HOOK3: variants seen among roughly 807,000 people sequenced by gnomAD.
HOOK3 encodes hook microtubule tethering protein 3, also known as protein Hook homolog 3.
A neutral mutation model predicts 116.3 loss-of-function variants in HOOK3; 24 were observed. The ratio of observed to expected loss-of-function variants is 0.21; its 90% CI spans 0.15 to 0.29. The LOEUF (loss-of-function observed/expected upper bound fraction) is 0.29, where lower values mean the gene tolerates loss of function less well. HOOK3 is among the 10% of genes least tolerant of loss of function. The pLI is 1.00. For synonymous variants in HOOK3, 275 were observed against 283.0 expected (o/e 0.97, Z 0.28); for missense variants, 632 against 830.2 (o/e 0.76, Z 2.93).
chr8:42,982,088 T>C (rs1196366772), intron 13 of HOOK3, among the ~76,000 whole-genome samples: 2 of 148,768 alleles, frequency 1.3e-5, no homozygotes, highest in African/African-American at 5.0e-5. Context: ...ACCCCATCTC[T>C]TCTAAAAATA....
At chr8:42,906,345 G>A in intron 2 of HOOK3, 87 bp downstream of exon 2, 1 of 932,672 alleles carries the variant, frequency 1.1e-6, no homozygotes, top group Non-Finnish European at 1.7e-6. Context: ...GTACTTACAT[G>A]AAACGTGTGT....
At chr8:42,915,620 C>T (rs902015430) in intron 2 of HOOK3, among the ~76,000 whole-genome samples, 3 of 151,892 alleles carry the variant, frequency 2.0e-5, no homozygotes, top group African/African-American at 4.8e-5. Flanking sequence ...TTAGTAGAGA[C>T]GGGGTTTCAC....
intron 2 of HOOK3, among the ~76,000 whole-genome samples, chr8:42,918,575 C>A (rs1459376369): frequency 1.3e-5 from 2 of 152,000 alleles, no homozygotes; most frequent in African/African-American, 2.4e-5. Context: ...GGCCCTGCCG[C>A]CTTCCGCAGT....
chr8:42,937,500 C>G (rs1189781476), intron 4 of HOOK3, among the ~76,000 whole-genome samples: 1 of 152,184 alleles, frequency 6.6e-6, no homozygotes, highest in Middle Eastern at 3.4e-3. Flanking sequence ...GATTTCAGAT[C>G]TTTCCTGCTT....
chr8:42,942,739 A>T (rs1808151502), intron 4 of HOOK3, among the ~76,000 whole-genome samples: 1 of 152,166 alleles, frequency 6.6e-6, no homozygotes. Flanking sequence ...AGCTGATTGG[A>T]ATCTGAGTTG....
chr8:43,020,134 A>G lies in HOOK3; in HGVS notation c.*1636A>G. 1 of 199,626 alleles carries G rather than the reference A, an allele frequency of 5.0e-6. No homozygotes were observed. The highest frequency in any genetic ancestry group is 1.0e-5 in the Non-Finnish European group (1 of 96,750). 12.4% of individuals were successfully genotyped at this position (199,626 alleles called of 1,614,324 possible). On this transcript the variant is annotated 3_prime_UTR_variant, in exon 22 of 22. Transcript: ENST00000307602. The stretch of plus-strand genomic sequence containing the variant: ...GTTTGTCCTCAGAAGCCGTAGTTGA[A>G]GAAAGATATTAGAGTATACACAGAA...
chr8:43,025,849 A>G lies in HOOK3; in HGVS notation c.*7351A>G, dbSNP rs1325068677. The G allele has an allele frequency of 9.5e-6, 2 of 209,492 alleles. No individual in the cohort carries two copies. The highest frequency in any genetic ancestry group is 1.9e-5 in the Non-Finnish European group (2 of 103,264). The allele number at this position is 209,492 out of a possible 1,614,324, so 13.0% of individuals were successfully genotyped here. ...CAGTAGCCCCACACAGTTTTGTTTT[A>G]AATGAAGGCAAAAGTAGACATTTTT... is the stretch of plus-strand genomic sequence containing the variant. On this transcript the variant is annotated 3_prime_UTR_variant, in exon 22 of 22. Transcript: ENST00000307602.
chr8:42,903,125 T>C (rs1452256696), intron 1 of HOOK3, among the ~76,000 whole-genome samples: 1 of 152,176 alleles, frequency 6.6e-6, no homozygotes, highest in Non-Finnish European at 1.5e-5. Flanking sequence ...CATTTACTAA[T>C]CATTTATTGC....
At chr8:42,961,931 C>T (rs1464136863) in intron 8 of HOOK3, among the ~76,000 whole-genome samples, 3 of 152,052 alleles carry the variant, frequency 2.0e-5, no homozygotes, top group South Asian at 2.1e-4. Context: ...GGACTGCAAG[C>T]GCATGCCACC....
chr8:42,947,756 C>G (rs768813076), intron 5 of HOOK3, among the ~76,000 whole-genome samples: 7 of 152,124 alleles, frequency 4.6e-5, no homozygotes, highest in Admixed American at 1.3e-4. Flanking sequence ...TGTTTACTAC[C>G]TGACTCGCTT....
At position 43,018,483 on chromosome 8, in the gene HOOK3, G is replaced by A. The variant is rs1181094180; in HGVS notation, c.2142G>A (p.Pro714=). The A allele has an allele frequency of 8.7e-6, 14 of 1,611,498 alleles. 1 individual carries two copies. In the East Asian group the frequency reaches 8.9e-5, roughly 10 times the overall value. ...GATCATACCCAGGCCACGTGCAGCC[G>A]GCCACAGCAAGGTAGAGAAGTTGTG... ...SRRSYPGHVQ[P]ATAR Residue 714 remains proline (P), a synonymous_variant, in exon 22 of 22, where the codon CCG becomes CCA. Coordinates refer to ENST00000307602, the MANE Select transcript of HOOK3 (RefSeq NM_032410.4).
Position 42,966,578 on chromosome 8 carries a change from A to C in HOOK3, c.885A>C (p.Glu295Asp), listed in dbSNP as rs1808636666. The stretch of plus-strand genomic sequence containing the variant: ...ATGAACTGACCACTTTGGCAGATGA[A>C]GCTCAGTCTCTGAAAGATGAGATCG... ...QNDELTTLADEAQSLKDEIDV... is the reference protein window; with the variant it reads ...QNDELTTLADDAQSLKDEIDV... The change falls in exon 10 of 22, where the codon GAA becomes GAC. Residue 295 changes from glutamate (E) to aspartate (D), a missense_variant. By Grantham distance (45) the Glu-to-Asp change is conservative. Transcript: ENST00000307602. 1 of 1,614,166 alleles carries C rather than the reference A, an allele frequency of 6.2e-7. No individual in the cohort carries two copies. Among genetic ancestry groups the C allele is most frequent in the East Asian group, 2.2e-5 (1 of 44,886 alleles).
intron 17 of HOOK3, among the ~76,000 whole-genome samples, chr8:43,005,249 C>CT (rs1411658475): frequency 1.8e-5 from 2 of 111,026 alleles, no homozygotes; most frequent in African/African-American, 3.6e-5. Flanking sequence ...GAGACGGAGT[C>CT]TCGCTCTGTC....
intron 2 of HOOK3, among the ~76,000 whole-genome samples, chr8:42,925,305 C>T (rs1465093080): frequency 6.6e-6 from 1 of 152,016 alleles, no homozygotes; most frequent in Non-Finnish European, 1.5e-5. Context: ...ACCATGTTGG[C>T]CAGGTGTGGT....
intron 21 of HOOK3, among the ~76,000 whole-genome samples, chr8:43,016,266 C>T (rs541751446): frequency 2.0e-5 from 3 of 151,898 alleles, no homozygotes; most frequent in African/African-American, 7.3e-5. Context: ...TACAGGCGCC[C>T]GACACCACGC....
intron 15 of HOOK3, among the ~76,000 whole-genome samples, chr8:42,990,585 C>T (rs1352783686): frequency 2.6e-5 from 4 of 151,936 alleles, no homozygotes; most frequent in Non-Finnish European, 4.4e-5. Context: ...AAGCAATCCA[C>T]CCACCTCAGC....
intron 15 of HOOK3, among the ~76,000 whole-genome samples, chr8:42,989,690 A>G (rs1161048366): frequency 1.3e-5 from 2 of 152,052 alleles, no homozygotes; most frequent in Non-Finnish European, 2.9e-5. Flanking sequence ...AGGAAATACT[A>G]GGTCTTATTC....
chr8:43,002,180 G>A (rs748129633), intron 17 of HOOK3, 39 bp downstream of exon 17: 1 of 1,495,396 alleles, frequency 6.7e-7, no homozygotes, highest in Non-Finnish European at 9.3e-7. Context: ...CTTCTATAGT[G>A]GAACACATGT....
intron 6 of HOOK3, among the ~76,000 whole-genome samples, chr8:42,953,284 G>A (rs1255069413): frequency 7.4e-5 from 11 of 149,134 alleles, no homozygotes; most frequent in Non-Finnish European, 1.5e-4. Flanking sequence ...AGTAAAATAC[G>A]GCCAGGCGCG....
Sources: allele counts gnomAD v4.1 joint callset (sites outside exome capture counted in the v4.1 genomes callset), GRCh38; gene constraint gnomAD v4.1.1; transcripts MANE v1.5; gene names NCBI Gene and HGNC (gene_info 2026-07-23, HGNC 2026-07-21).